Variants in ZC3H14 observed in about 807,000 individuals in gnomAD.
The protein encoded by ZC3H14 is zinc finger CCCH-type containing 14.
A neutral mutation model predicts 92.4 loss-of-function variants in ZC3H14; 31 were observed. The ratio of observed to expected loss-of-function variants is 0.34; its 90% CI spans 0.25 to 0.45. The LOEUF (loss-of-function observed/expected upper bound fraction) is 0.45. Among genes scored for constraint, ZC3H14 ranks in the 20% least tolerant of loss-of-function variants. The pLI is 1.00. For synonymous variants in ZC3H14, 321 were observed against 300.9 expected (o/e 1.07, Z -0.69); for missense variants, 781 against 897.3 (o/e 0.87, Z 1.66).
intron 10 of ZC3H14, among the ~76,000 whole-genome samples, chr14:88,600,872 G>A (rs2084544754): frequency 6.6e-6 from 1 of 152,106 alleles, no homozygotes; most frequent in Admixed American, 6.5e-5. Flanking sequence ...CACCCTTCCA[G>A]CCATTCCACA....
chr14:88,588,254 C>T (rs1375357790), intron 9 of ZC3H14, among the ~76,000 whole-genome samples: 4 of 152,146 alleles, frequency 2.6e-5, no homozygotes, highest in African/African-American at 7.2e-5. Flanking sequence ...CGCCCTCCTC[C>T]CCTGAGTCGG....
chr14:88,609,071 G>A (rs891197242), intron 13 of ZC3H14, 196 bp from the exon 14 acceptor site: 1 of 666,418 alleles, frequency 1.5e-6, no homozygotes, highest in Non-Finnish European at 2.4e-6. Flanking sequence ...CTGTGTTTGT[G>A]TTATCCCAAG....
In ZC3H14 at chr14:88,578,119, G is replaced by A. The variant is rs754936870; in HGVS notation, c.1258G>A (p.Asp420Asn). Residue 420 changes from aspartate to asparagine, a missense_variant, in exon 9 of 17, where the codon GAT becomes AAT. This residue lies in a region of ZC3H14 where 454 missense variants were observed against 438.5 expected (regional missense o/e 1.04). Transcript: ENST00000251038. ...CATTAAAGAAGAGGAAACAAAAGGA[G>A]ATTCTGTAGAAAAAAATCAAGGTAA... ...PPIKEEETKG[D>N]SVEKNQGTQQ... 3.1e-6 allele frequency: 5 copies of A among 1,614,000 alleles called. No homozygotes were observed. Among genetic ancestry groups the A allele is most frequent in the Non-Finnish European group, 4.2e-6 (5 of 1,179,978 alleles).
Position 88,621,723 on chromosome 14 carries a change from A to G in ZC3H14, c.*9972A>G. The G allele has an allele frequency of 6.7e-6, 2 of 296,906 alleles. No individual in the cohort carries two copies. The highest frequency in any genetic ancestry group is 6.5e-5 in the South Asian group (2 of 30,772). 18.4% of individuals were successfully genotyped at this position (296,906 alleles called of 1,614,324 possible). ...GATAATATCCGTATGATTTATAAAT[A>G]CACTTAATAAGTACAAACACGCTCA... On this transcript the variant is annotated 3_prime_UTR_variant, in exon 17 of 17. Coordinates refer to ENST00000251038, the MANE Select transcript of ZC3H14 (RefSeq NM_024824.5).
chr14:88,576,195 A>C (rs1333913043), intron 8 of ZC3H14, among the ~76,000 whole-genome samples: 3 of 152,228 alleles, frequency 2.0e-5, no homozygotes, highest in Admixed American at 6.5e-5. Flanking sequence ...TAAAATATAT[A>C]GTACGTAAAT....
At chr14:88,576,192 T>C (rs1044889612) in intron 8 of ZC3H14, among the ~76,000 whole-genome samples, 2 of 152,182 alleles carry the variant, frequency 1.3e-5, no homozygotes, top group African/African-American at 4.8e-5. Context: ...GTGTAAAATA[T>C]ATAGTACGTA....
At chr14:88,609,123 T>G in intron 13 of ZC3H14, 144 bp from the exon 14 acceptor site, 13 of 974,464 alleles carry the variant, frequency 1.3e-5, no homozygotes, top group Non-Finnish European at 1.7e-5. Flanking sequence ...TATATGGTCT[T>G]ATTTTAAAAT....
chr14:88,620,903 C>T lies in ZC3H14; in HGVS notation c.*9152C>T. The T allele has an allele frequency of 2.0e-6, 3 of 1,514,750 alleles. No homozygotes were observed. The highest frequency in any genetic ancestry group is 2.6e-5 in the South Asian group (2 of 76,544). The allele number at this position is 1,514,750 out of a possible 1,614,324, so 93.8% of individuals were successfully genotyped here. A position where few individuals can be genotyped will look rare whatever the true frequency, so the allele number is the denominator to read the frequency against. On this transcript the variant is annotated 3_prime_UTR_variant, in exon 17 of 17. Coordinates refer to ENST00000251038, the MANE Select transcript of ZC3H14 (RefSeq NM_024824.5). The surrounding 1 kb of genome is among the most constrained non-coding windows in gnomAD (Gnocchi z 4.3). ...AACACACAGTACGAGCAGCATGTCC[C>T]AAATTCACTTTGTTTAACATCTTCT...
chr14:88,610,588 C>T (rs1440499711), intron 15 of ZC3H14, among the ~76,000 whole-genome samples: 1 of 149,558 alleles, frequency 6.7e-6, no homozygotes, highest in Non-Finnish European at 1.5e-5. Flanking sequence ...GTGGAAGGAT[C>T]GTTTGAGCCC....
At chr14:88,595,622 T>A (rs2083706403) in intron 9 of ZC3H14, among the ~76,000 whole-genome samples, 1 of 152,214 alleles carries the variant, frequency 6.6e-6, no homozygotes, top group African/African-American at 2.4e-5. Context: ...AATTGACTTT[T>A]TTGGGACGCA....
At chr14:88,572,437 T>C (rs1215010122) in intron 5 of ZC3H14, 141 bp from the exon 6 acceptor site, 4 of 1,195,742 alleles carry the variant, frequency 3.3e-6, no homozygotes, top group Non-Finnish European at 4.7e-6. Context: ...GAAAGTGCAA[T>C]TTCAAAGCAG....
chr14:88,569,305 T>G (rs567621251), intron 3 of ZC3H14, among the ~76,000 whole-genome samples: 1 of 152,344 alleles, frequency 6.6e-6, no homozygotes, highest in Admixed American at 6.5e-5. Flanking sequence ...ACTTTTCTGT[T>G]TCTTACTTTT....
chr14:88,572,473 T>C, intron 5 of ZC3H14, 105 bp from the exon 6 acceptor site: 1 of 1,393,734 alleles, frequency 7.2e-7, no homozygotes, highest in Admixed American at 1.9e-5. Flanking sequence ...GTAAAGGGAG[T>C]ATCCTCAGTT....
At chr14:88,566,432 G>A (rs1006495150) in intron 2 of ZC3H14, among the ~76,000 whole-genome samples, 1 of 152,056 alleles carries the variant, frequency 6.6e-6, no homozygotes, top group Admixed American at 6.6e-5. Flanking sequence ...TAAACGATTT[G>A]TTGTCAGGAT....
rs762466013 is a variant in ZC3H14, at chr14:88,596,721, A to G, written c.1280-13A>G. On this transcript the variant is annotated splice_polypyrimidine_tract_variant and intron_variant, in intron 9 of 16. Coordinates refer to ENST00000251038, the MANE Select transcript of ZC3H14 (RefSeq NM_024824.5). The stretch of plus-strand genomic sequence containing the variant: ...GTTGTAAGCTTAGTGAAGTTTTAAA[A>G]TTTATATTCTAGGAACTCAACAGAG... The G allele has an allele frequency of 8.7e-6, 14 of 1,612,880 alleles. No individual in the cohort carries two copies. Among genetic ancestry groups the G allele is most frequent in the East Asian group, 2.2e-5 (1 of 44,872 alleles).
intron 8 of ZC3H14, 78 bp downstream of exon 8, chr14:88,576,018 A>C (rs1322841093): frequency 1.6e-6 from 2 of 1,255,660 alleles, no homozygotes; most frequent in Non-Finnish European, 2.3e-6. Context: ...ATTGCTCCTT[A>C]AATTGTAAAA....
chr14:88,588,548 T>C (rs550309761), intron 9 of ZC3H14, among the ~76,000 whole-genome samples: 23 of 152,292 alleles, frequency 1.5e-4, no homozygotes, highest in African/African-American at 5.5e-4. Context: ...ACCTGGGATT[T>C]TTTTCTCCGG....
chr14:88,588,104 A>G (rs1452565037), intron 9 of ZC3H14, among the ~76,000 whole-genome samples: 1 of 150,912 alleles, frequency 6.6e-6, no homozygotes, highest in Non-Finnish European at 1.5e-5. Context: ...CCTGTACTGT[A>G]GCCTAAAAGT....
chr14:88,598,884 C>G (rs570822261), intron 10 of ZC3H14, among the ~76,000 whole-genome samples: 1 of 152,266 alleles, frequency 6.6e-6, no homozygotes, highest in South Asian at 2.1e-4. Flanking sequence ...GTCAGGAGTT[C>G]CAGACCAGCC....
Sources: allele counts gnomAD v4.1 joint callset (sites outside exome capture counted in the v4.1 genomes callset), GRCh38; gene constraint gnomAD v4.1.1; regional missense constraint gnomAD v4.1.1; non-coding constraint Gnocchi (gnomAD v3.1); transcripts MANE v1.5; gene names NCBI Gene and HGNC (gene_info 2026-07-23, HGNC 2026-07-21).